Variants in WDR47 observed in about 807,000 individuals in gnomAD.
WDR47 encodes WD repeat-containing protein 47.
In WDR47, 32 loss-of-function variants were observed where a neutral mutation model predicts 97.2. The observed-to-expected ratio is 0.33, with a 90% CI of 0.25 to 0.44. The LOEUF (loss-of-function observed/expected upper bound fraction) is 0.44. Among genes scored for constraint, WDR47 ranks in the 20% least tolerant of loss-of-function variants. The pLI, the probability that WDR47 is intolerant of heterozygous loss-of-function variation, is 1.00. For missense variants in WDR47, 782 were observed against 1,102.3 expected, an observed-to-expected ratio of 0.71 and a Z score of 4.11; for synonymous variants, 375 against 373.5, an observed-to-expected ratio of 1.00 and a Z score of -0.05.
chr1:109,013,307 C>T (rs1421325855), intron 4 of WDR47, among the ~76,000 whole-genome samples: 1 of 152,146 alleles, frequency 6.6e-6, no homozygotes, highest in Non-Finnish European at 1.5e-5. Context: ...GACTAAGACA[C>T]TTTACTTCAG....
intron 3 of WDR47, among the ~76,000 whole-genome samples, chr1:109,017,075 T>C (rs1035159453): frequency 6.6e-6 from 1 of 152,210 alleles, no homozygotes; most frequent in Non-Finnish European, 1.5e-5. Context: ...TACATGCCAC[T>C]GCACATCAGC....
chr1:109,009,280 T>G (rs999828692), intron 5 of WDR47, among the ~76,000 whole-genome samples: 1 of 152,172 alleles, frequency 6.6e-6, no homozygotes, highest in African/African-American at 2.4e-5. Context: ...AAACCATCTA[T>G]ACATCCTCAT....
intron 4 of WDR47, 103 bp from the exon 5 acceptor site, chr1:109,011,821 C>G: frequency 3.7e-6 from 4 of 1,094,830 alleles, no homozygotes; most frequent in Non-Finnish European, 2.6e-6. Flanking sequence ...CCACAGAATA[C>G]TCATATAATT....
intron 1 of WDR47, among the ~76,000 whole-genome samples, chr1:109,039,362 A>G (rs958213241): frequency 6.6e-6 from 1 of 151,978 alleles, no homozygotes; most frequent in Admixed American, 6.6e-5. Flanking sequence ...TGTTCAAGCA[A>G]TTCTCCTACC....
chr1:109,041,152 G>A lies in WDR47; in HGVS notation c.-10+710C>T, dbSNP rs1252230774. Among the ~76,000 whole-genome samples the A allele has an allele frequency of 7.5e-5, 7 of 93,774 alleles. No homozygotes were observed. The Admixed American group carries it at 8.8e-4, about 12-fold the overall frequency. 61.5% of individuals were successfully genotyped at this position (93,774 alleles called of 152,430 possible). A position where few individuals can be genotyped will look rare whatever the true frequency, so the allele number is the denominator to read the frequency against. On this transcript the variant is annotated intron_variant, in intron 1 of 14. Coordinates refer to ENST00000369962, the MANE Select transcript of WDR47 (RefSeq NM_001142551.2). ...CCCCGCCCCCGCCCCCTTTGCCCATGGCCTCGCCCCAGAGCTAGAGTTCCA... is the reference window on the plus strand; with the variant it reads ...CCCCGCCCCCGCCCCCTTTGCCCATAGCCTCGCCCCAGAGCTAGAGTTCCA...
intron 1 of WDR47, among the ~76,000 whole-genome samples, chr1:109,026,073 G>T (rs1662197631): frequency 6.6e-6 from 1 of 150,944 alleles, no homozygotes; most frequent in Non-Finnish European, 1.5e-5. Flanking sequence ...TAAAGACAGG[G>T]TCTTGCTCTG....
chr1:109,036,409 T>TA (rs1366173212), intron 1 of WDR47, among the ~76,000 whole-genome samples: 1 of 149,986 alleles, frequency 6.7e-6, no homozygotes, highest in Non-Finnish European at 1.5e-5. Flanking sequence ...CCGTCTCTAC[T>TA]AAAAATACAA....
chr1:108,979,811 T>C (rs1172389917), intron 13 of WDR47, among the ~76,000 whole-genome samples: 1 of 152,190 alleles, frequency 6.6e-6, no homozygotes, highest in African/African-American at 2.4e-5. Flanking sequence ...GGCAATGCTG[T>C]TTTTCTTAAT....
chr1:109,039,980 G>A (rs1663232590), intron 1 of WDR47, among the ~76,000 whole-genome samples: 1 of 146,988 alleles, frequency 6.8e-6, no homozygotes, highest in Non-Finnish European at 1.5e-5. Flanking sequence ...AGGCTGCAGT[G>A]AGCCGAGATC....
chr1:108,994,744 T>G (rs1366587643), intron 8 of WDR47, among the ~76,000 whole-genome samples: 1 of 152,152 alleles, frequency 6.6e-6, no homozygotes, highest in Non-Finnish European at 1.5e-5. Flanking sequence ...AAACAAAAAT[T>G]AAATTTTAAA....
intron 6 of WDR47, among the ~76,000 whole-genome samples, chr1:109,002,756 G>T (rs1021218483): frequency 2.0e-5 from 3 of 152,102 alleles, no homozygotes; most frequent in Admixed American, 6.5e-5. Context: ...TATCCATACT[G>T]AGGGACTGCA....
intron 1 of WDR47, among the ~76,000 whole-genome samples, chr1:109,028,624 T>G (rs1214402249): frequency 4.0e-5 from 6 of 151,790 alleles, no homozygotes; most frequent in African/African-American, 1.5e-4. Flanking sequence ...GCTAATTTTT[T>G]GTATCTTTAG....
chr1:108,978,858 T>C (rs1658125447), intron 13 of WDR47, among the ~76,000 whole-genome samples: 1 of 152,192 alleles, frequency 6.6e-6, no homozygotes, highest in African/African-American at 2.4e-5. Context: ...GCATTTGTTA[T>C]AATGGTTGCA....
At chr1:109,000,172 C>T (rs1026085207) in intron 7 of WDR47, among the ~76,000 whole-genome samples, 1 of 152,116 alleles carries the variant, frequency 6.6e-6, no homozygotes, top group Non-Finnish European at 1.5e-5. Context: ...GATCACACCA[C>T]TGCACTCCAG....
intron 5 of WDR47, among the ~76,000 whole-genome samples, chr1:109,008,650 C>A (rs1660806791): frequency 6.6e-6 from 1 of 151,642 alleles, no homozygotes; most frequent in Non-Finnish European, 1.5e-5. Flanking sequence ...CTCTGTTGCC[C>A]AGGCTGGAGT....
chr1:109,019,699 A>G (rs1661681274), intron 2 of WDR47, among the ~76,000 whole-genome samples: 1 of 152,044 alleles, frequency 6.6e-6, no homozygotes, highest in South Asian at 2.1e-4. Context: ...TACATTGTGA[A>G]TTCTATGTGA....
chr1:109,000,020 C>T (rs1571189068), intron 7 of WDR47, among the ~76,000 whole-genome samples: 1 of 152,100 alleles, frequency 6.6e-6, no homozygotes, highest in East Asian at 1.9e-4. Context: ...GTTCAGAGGC[C>T]TATTTAGACT....
intron 6 of WDR47, among the ~76,000 whole-genome samples, chr1:109,004,219 C>G (rs939123854): frequency 1.3e-5 from 2 of 151,112 alleles, no homozygotes; most frequent in African/African-American, 2.4e-5. Flanking sequence ...GAGCCGAGAT[C>G]GCACCACTGC....
chr1:109,023,525 AAT>A lies in WDR47; in HGVS notation c.-9-6_-9-5del. 6.2e-7 allele frequency: 1 copy of A among 1,607,346 alleles called. No individual in the cohort carries two copies. The highest frequency in any genetic ancestry group is 8.5e-7 in the Non-Finnish European group (1 of 1,176,612). On this transcript the variant is annotated splice_region_variant and splice_polypyrimidine_tract_variant and intron_variant, in intron 1 of 14. Coordinates refer to ENST00000369962, the MANE Select transcript of WDR47 (RefSeq NM_001142551.2). ...CTTCAGCCGTCATATTGATAGCCTAAATATGAAACAGAAAAACAATAAAGCTA... is the reference window on the plus strand; with the variant it reads ...CTTCAGCCGTCATATTGATAGCCTAAATGAAACAGAAAAACAATAAAGCTA...
Sources: allele counts gnomAD v4.1 joint callset (sites outside exome capture counted in the v4.1 genomes callset), GRCh38; gene constraint gnomAD v4.1.1; transcripts MANE v1.5; gene names NCBI Gene and HGNC (gene_info 2026-07-23, HGNC 2026-07-21).